NCOA2: variants seen among roughly 807,000 people sequenced by gnomAD.
The protein encoded by NCOA2 is nuclear receptor coactivator 2.
Under a neutral mutation model 145.1 loss-of-function variants are expected in NCOA2, and 21 were observed. The ratio of observed to expected loss-of-function variants is 0.14; its 90% CI spans 0.10 to 0.21. The LOEUF (loss-of-function observed/expected upper bound fraction) is 0.21. Ranked by LOEUF, NCOA2 falls within the 10% of genes least tolerant of loss-of-function variation. The pLI, the probability that NCOA2 is intolerant of heterozygous loss-of-function variation, is 1.00. For synonymous variants in NCOA2, 619 were observed against 637.5 expected, an observed-to-expected ratio of 0.97 and a Z score of 0.44; for missense variants, 1,472 against 1,837.6, an observed-to-expected ratio of 0.80 and a Z score of 3.64.
chr8:70,412,647 CAAAAAAAAAAAA>C, the NCOA2 span, among the ~76,000 whole-genome samples: 1 of 48,304 alleles, frequency 2.1e-5, no homozygotes, highest in Non-Finnish European at 4.1e-5. Context: ...TACTTCGTCT[CAAAAAAAAAAAA>C]AAAAAAAAAA....
chr8:70,451,298 G>C, the NCOA2 span, among the ~76,000 whole-genome samples: 3 of 140,548 alleles, frequency 2.1e-5, no homozygotes, highest in Non-Finnish European at 3.0e-5. Flanking sequence ...GTCCCAGCTA[G>C]TCGGGAGGCT....
intron 12 of NCOA2, among the ~76,000 whole-genome samples, chr8:70,145,518 T>C (rs536903918): frequency 1.3e-5 from 2 of 152,160 alleles, no homozygotes; most frequent in Admixed American, 1.3e-4. Context: ...AGACGGGGTT[T>C]CACCATGTTG....
intron 1 of NCOA2, among the ~76,000 whole-genome samples, chr8:70,342,118 C>CAAT (rs1482616733): frequency 3.3e-5 from 5 of 152,160 alleles, no homozygotes; most frequent in Non-Finnish European, 2.9e-5. Context: ...GCTGATATTA[C>CAAT]ATGCGTAAGG....
intron 1 of NCOA2, among the ~76,000 whole-genome samples, chr8:70,306,048 G>A (rs1827863919): frequency 6.6e-6 from 1 of 152,030 alleles, no homozygotes; most frequent in African/African-American, 2.4e-5. Context: ...AGAGTTTTTT[G>A]TCCTCCTAAA....
chr8:70,406,073 G>A (rs1478630333), upstream of NCOA2, among the ~76,000 whole-genome samples: 1 of 152,078 alleles, frequency 6.6e-6, no homozygotes, highest in African/African-American at 2.4e-5. Flanking sequence ...TTATATGTTT[G>A]TCTTTCTCTT....
At chr8:70,230,670 G>A (rs1821055527) in intron 2 of NCOA2, among the ~76,000 whole-genome samples, 1 of 152,124 alleles carries the variant, frequency 6.6e-6, no homozygotes, top group Admixed American at 6.5e-5. Context: ...AGAGATTAGA[G>A]TAAGAATTTT....
chr8:70,163,655 AT>A, intron 7 of NCOA2, 89 bp from the exon 8 acceptor site: 1 of 935,058 alleles, frequency 1.1e-6, no homozygotes. Context: ...ACAGCCTGTC[AT>A]TAAAAAAGCA....
At position 70,156,741 on chromosome 8, in the gene NCOA2, C is replaced by T. The variant is rs764517791; in HGVS notation, c.1624G>A (p.Glu542Lys). 50 of 1,613,866 alleles carry T rather than the reference C, an allele frequency of 3.1e-5. No individual in the cohort carries two copies. Among genetic ancestry groups the T allele is most frequent in the Non-Finnish European group, 2.3e-5 (27 of 1,179,884 alleles). Residue 542 changes from glutamate (E) to lysine (K), a missense_variant, in exon 11 of 23, where the codon GAG becomes AAG. Around this residue, in one of 4 missense-constraint regions of NCOA2, gnomAD observed 953 missense variants for 1,062.1 expected, o/e 0.90. Transcript: ENST00000452400. ...GACCCTAATGAGACCCCGTGCCCCT[C>T]GCTGAGGGCCTGAAGTGCATTGAGG... The part of the protein sequence containing the change: ...SSLNALQALS[E>K]GHGVSLGSSL...
chr8:70,112,445 G>A lies in NCOA2; in HGVS notation c.*1187C>T, dbSNP rs2131122628. 5.1e-6 allele frequency: 1 copy of A among 197,108 alleles called. No individual in the cohort carries two copies. Among genetic ancestry groups the A allele is most frequent in the East Asian group, 8.0e-5 (1 of 12,566 alleles). 12.2% of individuals were successfully genotyped at this position (197,108 alleles called of 1,614,324 possible). A position where few individuals can be genotyped will look rare whatever the true frequency, so the allele number is the denominator to read the frequency against. ...ACAAAACTTCGGCTTAGTCAGCACT[G>A]CTAAAAAACAAAATAAAAAACACAT... On this transcript the variant is annotated 3_prime_UTR_variant, in exon 23 of 23. Transcript: ENST00000452400.
chr8:70,405,248 A>G (rs1814714591), upstream of NCOA2, among the ~76,000 whole-genome samples: 1 of 152,024 alleles, frequency 6.6e-6, no homozygotes, highest in Non-Finnish European at 1.5e-5. Context: ...AAAAGAATAA[A>G]AAAAATGTGT....
At chr8:70,393,222 TC>T (rs1211639773) in intron 1 of NCOA2, among the ~76,000 whole-genome samples, 1 of 151,818 alleles carries the variant, frequency 6.6e-6, no homozygotes, top group Non-Finnish European at 1.5e-5. Context: ...GGGAAAACAA[TC>T]CCCCAAATGC....
intron 2 of NCOA2, among the ~76,000 whole-genome samples, chr8:70,220,820 C>T (rs1820071706): frequency 1.3e-5 from 2 of 152,190 alleles, no homozygotes; most frequent in Admixed American, 6.5e-5. Context: ...GACAGCCTAT[C>T]TTCCAAACAA....
At chr8:70,397,777 G>T (rs984644342) in intron 1 of NCOA2, among the ~76,000 whole-genome samples, 22 of 152,172 alleles carry the variant, frequency 1.4e-4, no homozygotes, top group African/African-American at 5.3e-4. Flanking sequence ...CTATTCGGTT[G>T]TAAGCTAATC....
rs531186840 is a variant in NCOA2, at chr8:70,197,832, A to G, written c.259+16071T>C. Among the ~76,000 whole-genome samples the G allele has an allele frequency of 5.6e-5, 6 of 106,676 alleles. No homozygotes were observed. The East Asian group carries it at 1.0e-3, about 18-fold the overall frequency. 70.0% of individuals were successfully genotyped at this position (106,676 alleles called of 152,430 possible). ...TTCTTGCTGCTTTCACATTTTCTCTAAAAGTTTTTTTTTTTTTTTAAAGAC... is the reference window on the plus strand; with the variant it reads ...TTCTTGCTGCTTTCACATTTTCTCTGAAAGTTTTTTTTTTTTTTTAAAGAC... On this transcript the variant is annotated intron_variant, in intron 4 of 22. Coordinates refer to ENST00000452400, the MANE Select transcript of NCOA2 (RefSeq NM_006540.4).
intron 2 of NCOA2, among the ~76,000 whole-genome samples, chr8:70,263,128 T>C (rs935102595): frequency 1.3e-5 from 2 of 149,048 alleles, no homozygotes; most frequent in South Asian, 4.4e-4. Context: ...GGGGCCATTA[T>C]TAAGTCAAAT....
At chr8:70,294,148 T>C (rs1417256815) in intron 2 of NCOA2, among the ~76,000 whole-genome samples, 1 of 152,138 alleles carries the variant, frequency 6.6e-6, no homozygotes, top group East Asian at 1.9e-4. Flanking sequence ...AAGTTCTATC[T>C]GAACCAACTC....
At chr8:70,135,600 T>C (rs528364966) in intron 15 of NCOA2, among the ~76,000 whole-genome samples, 144 of 152,298 alleles carry the variant, frequency 9.5e-4, no homozygotes, top group Middle Eastern at 3.4e-3. Flanking sequence ...GAAAAAACAC[T>C]GATCCAGACT....
At chr8:70,280,884 C>T (rs1010779309) in intron 2 of NCOA2, among the ~76,000 whole-genome samples, 1 of 151,912 alleles carries the variant, frequency 6.6e-6, no homozygotes, top group Admixed American at 6.6e-5. Flanking sequence ...GCTTCCCACT[C>T]ATACACGATC....
chr8:70,451,502 C>A, the NCOA2 span, among the ~76,000 whole-genome samples: 2 of 151,172 alleles, frequency 1.3e-5, no homozygotes, highest in Non-Finnish European at 2.9e-5. Flanking sequence ...CCGTAGTACA[C>A]AAATCCTTTC....
Sources: gnomAD v4.1 joint callset for allele counts (sites outside exome capture counted in the v4.1 genomes callset) on GRCh38, gnomAD v4.1.1 for gene constraint, gnomAD v4.1.1 regional missense constraint, MANE v1.5 for transcripts, NCBI Gene and HGNC (gene_info 2026-07-23, HGNC 2026-07-21) for gene names.